The following CHCHD3 variants were observed in gnomAD, a reference collection of about 807,000 sequenced individuals.
CHCHD3 encodes MICOS complex subunit MIC19.
CHCHD3 carries 20 observed loss-of-function variants against 38.2 expected under a neutral mutation model. That is an observed-to-expected ratio of 0.52 (90% CI 0.37 to 0.76). The LOEUF is 0.76. Ranked by LOEUF, CHCHD3 falls within the 30% of genes least tolerant of loss-of-function variation. The probability of loss-of-function intolerance (pLI) is 0.00; values close to 1 mark genes in which losing one functional copy is unlikely to be tolerated. For synonymous variants in CHCHD3, 82 were observed against 100.0 expected (o/e 0.82, Z 1.07); for missense variants, 245 against 279.2 (o/e 0.88, Z 0.87).
At chr7:132,950,315 T>C (rs1356146818) in intron 4 of CHCHD3, among the ~76,000 whole-genome samples, 1 of 152,052 alleles carries the variant, frequency 6.6e-6, no homozygotes, top group Non-Finnish European at 1.5e-5. Context: ...CAGTCCAAAA[T>C]AGAGTAAATG....
At chr7:132,857,785 T>C (rs1035190576) in intron 5 of CHCHD3, among the ~76,000 whole-genome samples, 10 of 152,296 alleles carry the variant, frequency 6.6e-5, no homozygotes, top group African/African-American at 2.2e-4. Flanking sequence ...GCTTGTGACC[T>C]TGGGCAAGCC....
chr7:132,954,644 G>A (rs1222874533), intron 4 of CHCHD3, among the ~76,000 whole-genome samples: 1 of 152,086 alleles, frequency 6.6e-6, no homozygotes, highest in African/African-American at 2.4e-5. Flanking sequence ...GAGACAAGGG[G>A]AGCCCACAGC....
chr7:132,900,294 G>A (rs556452442), intron 4 of CHCHD3, among the ~76,000 whole-genome samples: 2 of 19,764 alleles, frequency 1.0e-4, no homozygotes, highest in South Asian at 1.3e-3. Context: ...TACATCATAC[G>A]GACATTTAAC....
chr7:132,863,421 A>G (rs1808541916), intron 5 of CHCHD3, among the ~76,000 whole-genome samples: 2 of 152,224 alleles, frequency 1.3e-5, no homozygotes, highest in Admixed American at 1.3e-4. Context: ...CTGTAAACAG[A>G]CGTGCTACCA....
At position 132,822,762 on chromosome 7, in the gene CHCHD3, T is replaced by G. The variant is rs149456405; in HGVS notation, c.524+15637A>C. ...GTACCAGTTCCTTAGGGTTTAGGTA[T>G]GAGTTTGTTTCGCTGCAGCCTTCTT... On this transcript the variant is annotated intron_variant, in intron 6 of 7. Coordinates refer to ENST00000262570, the MANE Select transcript of CHCHD3 (RefSeq NM_017812.4). Among the ~76,000 whole-genome samples, 142 of 152,236 alleles carry G rather than the reference T, an allele frequency of 9.3e-4. No individual in the cohort carries two copies. The East Asian group carries it at 0.026, about 28-fold the overall frequency.
At chr7:132,978,935 T>TA (rs1429555288) in intron 3 of CHCHD3, among the ~76,000 whole-genome samples, 25 of 151,900 alleles carry the variant, frequency 1.6e-4, no homozygotes, top group African/African-American at 3.6e-4. Context: ...TTTATAAATT[T>TA]TAAAAAAACT....
At chr7:133,076,045 T>C (rs10954404) in intron 1 of CHCHD3, among the ~76,000 whole-genome samples, 93,231 of 137,552 alleles carry the variant, frequency 0.68, 31,577 homozygotes, top group Admixed American at 0.76. Flanking sequence ...GGCAAGAGAA[T>C]GAGATTCTAT....
chr7:132,973,438 A>G (rs766821919), intron 4 of CHCHD3: 2 of 985,412 alleles, frequency 2.0e-6, no homozygotes, highest in East Asian at 2.3e-4. Context: ...ACGTACAACA[A>G]ATTTAATTTT....
At chr7:132,787,721 G>A (rs541401217) in intron 7 of CHCHD3, among the ~76,000 whole-genome samples, 1 of 152,268 alleles carries the variant, frequency 6.6e-6, no homozygotes, top group Non-Finnish European at 1.5e-5. Context: ...TGGGTCATAG[G>A]AGCAAAGGGT....
chr7:133,030,447 C>T (rs1366745742), intron 2 of CHCHD3, among the ~76,000 whole-genome samples: 1 of 152,104 alleles, frequency 6.6e-6, no homozygotes, highest in Non-Finnish European at 1.5e-5. Context: ...AAGAGAAGCA[C>T]AAGAAAGGCC....
chr7:132,785,799 T>A, intron 7 of CHCHD3, 139 bp from the exon 8 acceptor site: 1 of 867,632 alleles, frequency 1.2e-6, no homozygotes. Context: ...ATGCTTCCTG[T>A]TCTCAAAATA....
At chr7:132,817,678 A>G (rs1284389927) in intron 6 of CHCHD3, among the ~76,000 whole-genome samples, 1 of 152,070 alleles carries the variant, frequency 6.6e-6, no homozygotes, top group Non-Finnish European at 1.5e-5. Context: ...CATGAAATCA[A>G]TTTCTTAATG....
At chr7:132,789,184 G>A (rs990666842) in intron 7 of CHCHD3, among the ~76,000 whole-genome samples, 44 of 152,248 alleles carry the variant, frequency 2.9e-4, no homozygotes, top group African/African-American at 1.1e-3. Flanking sequence ...ATTTAACACT[G>A]CATAAATTAA....
intron 7 of CHCHD3, 35 bp from the exon 8 acceptor site, chr7:132,785,695 C>T (rs113542681): frequency 3.0e-5 from 49 of 1,608,244 alleles, no homozygotes; most frequent in African/African-American, 2.3e-4. Context: ...GTTTTACCAC[C>T]GGGAGAGGAC....
chr7:132,949,403 G>C (rs1810985036), intron 4 of CHCHD3, among the ~76,000 whole-genome samples: 1 of 152,068 alleles, frequency 6.6e-6, no homozygotes, highest in African/African-American at 2.4e-5. Context: ...GAGCTTTCTT[G>C]GACCCTGTGG....
intron 5 of CHCHD3, among the ~76,000 whole-genome samples, chr7:132,873,118 G>C (rs1394192853): frequency 1.3e-5 from 2 of 151,934 alleles, no homozygotes; most frequent in African/African-American, 4.8e-5. Context: ...TAAAAATGAA[G>C]AGGGGGAGGA....
chr7:132,921,700 C>G (rs1280140890), intron 4 of CHCHD3, among the ~76,000 whole-genome samples: 2 of 152,042 alleles, frequency 1.3e-5, no homozygotes, highest in Non-Finnish European at 2.9e-5. Flanking sequence ...GGATTAAATT[C>G]TAAGGCAAGT....
intron 4 of CHCHD3, among the ~76,000 whole-genome samples, chr7:132,926,294 T>C (rs1026218218): frequency 6.6e-6 from 1 of 152,162 alleles, no homozygotes; most frequent in African/African-American, 2.4e-5. Flanking sequence ...GCAAGGAGAA[T>C]AGCTAGATTT....
At chr7:133,072,990 A>G (rs970804736) in intron 1 of CHCHD3, among the ~76,000 whole-genome samples, 3 of 152,010 alleles carry the variant, frequency 2.0e-5, no homozygotes, top group African/African-American at 7.3e-5. Flanking sequence ...TCCCATTTCC[A>G]CTTCCTGAAC....
Sources: allele counts gnomAD v4.1 joint callset (sites outside exome capture counted in the v4.1 genomes callset), GRCh38; gene constraint gnomAD v4.1.1; transcripts MANE v1.5; gene names NCBI Gene and HGNC (gene_info 2026-07-23, HGNC 2026-07-21).